The following SPOCK1 variants were observed in gnomAD, a reference collection of about 807,000 sequenced individuals.
The protein encoded by SPOCK1 is SPARC (osteonectin), cwcv and kazal like domains proteoglycan 1.
In SPOCK1, 23 loss-of-function variants were observed where a neutral mutation model predicts 55.3. The observed-to-expected ratio is 0.42, with a 90% CI of 0.30 to 0.59. The LOEUF (loss-of-function observed/expected upper bound fraction) is 0.59, where lower values mean the gene tolerates loss of function less well. Ranked by LOEUF, SPOCK1 falls within the 20% of genes least tolerant of loss-of-function variation. The probability of loss-of-function intolerance (pLI) is 0.22; values close to 1 mark genes in which losing one functional copy is unlikely to be tolerated. For missense variants in SPOCK1, 499 were observed against 552.5 expected (o/e 0.90, Z 0.97); for synonymous variants, 226 against 221.0 (o/e 1.02, Z -0.20).
At chr5:137,115,835 G>T (rs565215590) in intron 4 of SPOCK1, among the ~76,000 whole-genome samples, 14 of 152,104 alleles carry the variant, frequency 9.2e-5, no homozygotes, top group Admixed American at 3.9e-4. Context: ...CCTGGCTATT[G>T]TATATTTTAA....
chr5:137,127,294 C>T (rs954473541), intron 4 of SPOCK1, among the ~76,000 whole-genome samples: 1 of 152,236 alleles, frequency 6.6e-6, no homozygotes, highest in African/African-American at 2.4e-5. Flanking sequence ...CACAGAAAGA[C>T]CACATTAGGG....
intron 2 of SPOCK1, among the ~76,000 whole-genome samples, chr5:137,382,478 T>A (rs1332892217): frequency 6.6e-6 from 1 of 152,204 alleles, no homozygotes; most frequent in Non-Finnish European, 1.5e-5. Context: ...TACCTGAGAC[T>A]AGGTAATTAA....
intron 2 of SPOCK1, among the ~76,000 whole-genome samples, chr5:137,429,009 G>T (rs1752690885): frequency 6.6e-6 from 1 of 152,166 alleles, no homozygotes; most frequent in Non-Finnish European, 1.5e-5. Flanking sequence ...TCTGATGATG[G>T]TACTCTCGCC....
At chr5:137,359,855 T>C (rs1455282416) in intron 2 of SPOCK1, among the ~76,000 whole-genome samples, 7 of 152,222 alleles carry the variant, frequency 4.6e-5, no homozygotes, top group Admixed American at 3.3e-4. Flanking sequence ...CTTGCACATC[T>C]ATGTGGGTTA....
At chr5:137,250,030 C>T (rs920175655) in intron 3 of SPOCK1, among the ~76,000 whole-genome samples, 2 of 152,106 alleles carry the variant, frequency 1.3e-5, no homozygotes, top group Non-Finnish European at 2.9e-5. Flanking sequence ...ATCTGGCCTG[C>T]CACCTGTTTT....
chr5:137,170,042 T>C (rs1224373478), intron 3 of SPOCK1, among the ~76,000 whole-genome samples: 1 of 152,182 alleles, frequency 6.6e-6, no homozygotes, highest in Non-Finnish European at 1.5e-5. Flanking sequence ...TCAGTATCCA[T>C]GAGGAATTTG....
chr5:137,312,095 C>A (rs1757797915), intron 2 of SPOCK1, among the ~76,000 whole-genome samples: 2 of 152,190 alleles, frequency 1.3e-5, no homozygotes, highest in Non-Finnish European at 2.9e-5. Flanking sequence ...CATTAATATG[C>A]CAATTCTTTC....
chr5:137,391,476 A>G (rs971999958), intron 2 of SPOCK1, among the ~76,000 whole-genome samples: 4 of 152,142 alleles, frequency 2.6e-5, no homozygotes, highest in African/African-American at 4.8e-5. Flanking sequence ...ACAGACTTCA[A>G]TCCTGAGGGC....
At chr5:137,162,842 C>T (rs1754586210) in intron 3 of SPOCK1, among the ~76,000 whole-genome samples, 1 of 152,176 alleles carries the variant, frequency 6.6e-6, no homozygotes, top group Non-Finnish European at 1.5e-5. Context: ...GAAAAGAGGA[C>T]AGGAAACTGA....
intron 10 of SPOCK1, 145 bp downstream of exon 10, chr5:136,979,187 G>T: frequency 8.2e-7 from 1 of 1,218,636 alleles, no homozygotes; most frequent in Non-Finnish European, 1.1e-6. Flanking sequence ...GGGAGCTCAT[G>T]TGATTTCAGG....
chr5:137,079,675 T>C (rs1358238181), intron 5 of SPOCK1, among the ~76,000 whole-genome samples: 2 of 152,174 alleles, frequency 1.3e-5, no homozygotes, highest in Non-Finnish European at 2.9e-5. Flanking sequence ...ACAACACTGC[T>C]CTGACTCTTC....
intron 2 of SPOCK1, among the ~76,000 whole-genome samples, chr5:137,343,712 T>C (rs1750490283): frequency 6.6e-6 from 1 of 152,252 alleles, no homozygotes; most frequent in Non-Finnish European, 1.5e-5. Context: ...CAATCCCTTC[T>C]ACAATACCCA....
intron 2 of SPOCK1, among the ~76,000 whole-genome samples, chr5:137,446,354 A>G (rs1753127221): frequency 6.6e-6 from 1 of 152,152 alleles, no homozygotes; most frequent in South Asian, 2.1e-4. Context: ...CAGAGTTTGG[A>G]TCTCCAGAGA....
intron 2 of SPOCK1, among the ~76,000 whole-genome samples, chr5:137,271,994 T>C (rs980197624): frequency 1.1e-4 from 16 of 152,048 alleles, no homozygotes; most frequent in Non-Finnish European, 2.1e-4. Context: ...GAGGGAGCAA[T>C]AGAGACATAA....
At chr5:137,180,178 C>A (rs1185949451) in intron 3 of SPOCK1, among the ~76,000 whole-genome samples, 3 of 152,212 alleles carry the variant, frequency 2.0e-5, no homozygotes, top group Admixed American at 6.5e-5. Flanking sequence ...CTGTACCTAC[C>A]TGCACGGCAT....
At chr5:137,445,131 C>A (rs1753095598) in intron 2 of SPOCK1, among the ~76,000 whole-genome samples, 1 of 152,220 alleles carries the variant, frequency 6.6e-6, no homozygotes, top group African/African-American at 2.4e-5. Flanking sequence ...CCACTGCCCA[C>A]CTCCACCCTA....
chr5:137,014,987 A>C (rs1751424090), intron 6 of SPOCK1, among the ~76,000 whole-genome samples: 1 of 152,168 alleles, frequency 6.6e-6, no homozygotes, highest in Non-Finnish European at 1.5e-5. Flanking sequence ...TCTCCTGTGA[A>C]ATTAAGCTGG....
intron 6 of SPOCK1, among the ~76,000 whole-genome samples, chr5:137,042,818 C>T (rs1254639999): frequency 6.6e-6 from 1 of 152,006 alleles, no homozygotes; most frequent in African/African-American, 2.4e-5. Context: ...AATATAGATA[C>T]ATATAGAATA....
At chr5:137,212,212 G>T (rs1755630764) in intron 3 of SPOCK1, among the ~76,000 whole-genome samples, 1 of 152,122 alleles carries the variant, frequency 6.6e-6, no homozygotes, top group Non-Finnish European at 1.5e-5. Flanking sequence ...AGTGTCTGCT[G>T]GAGAATCAGG....
Sources: gnomAD v4.1 joint callset for allele counts (sites outside exome capture counted in the v4.1 genomes callset) on GRCh38, gnomAD v4.1.1 for gene constraint, MANE v1.5 for transcripts, NCBI Gene and HGNC (gene_info 2026-07-23, HGNC 2026-07-21) for gene names.